ADAMTSL3: variants seen among roughly 807,000 people sequenced by gnomAD.
The protein encoded by ADAMTSL3 is ADAMTS like 3, also known as ADAMTS-like protein 3.
Under a neutral mutation model 201.7 loss-of-function variants are expected in ADAMTSL3, and 128 were observed. The ratio of observed to expected loss-of-function variants is 0.63; its 90% CI spans 0.55 to 0.73. The LOEUF (loss-of-function observed/expected upper bound fraction) is 0.73, where lower values mean the gene tolerates loss of function less well. Ranked by LOEUF, ADAMTSL3 falls within the 30% of genes least tolerant of loss-of-function variation. The pLI, the probability that ADAMTSL3 is intolerant of heterozygous loss-of-function variation, is 0.00. For synonymous variants in ADAMTSL3, 738 were observed against 748.4 expected (o/e 0.99, Z 0.23); for missense variants, 1,990 against 2,119.6 (o/e 0.94, Z 1.20).
chr15:83,745,261 A>G (rs1325118230), intron 3 of ADAMTSL3, among the ~76,000 whole-genome samples: 5 of 151,460 alleles, frequency 3.3e-5, no homozygotes, highest in East Asian at 1.9e-4. Context: ...AAAATCCTCC[A>G]CTCTTCAATT....
chr15:83,951,051 A>G (rs982633506), intron 19 of ADAMTSL3, among the ~76,000 whole-genome samples: 1 of 143,460 alleles, frequency 7.0e-6, no homozygotes, highest in Non-Finnish European at 1.5e-5. Context: ...TACTAGGACT[A>G]TGTTGAATAA....
intron 2 of ADAMTSL3, among the ~76,000 whole-genome samples, chr15:83,659,644 T>C (rs1204324252): frequency 6.6e-6 from 1 of 152,130 alleles, no homozygotes. Flanking sequence ...CATGTCCTAA[T>C]CCCTGGAACT....
chr15:83,899,548 C>T, intron 14 of ADAMTSL3, 99 bp from the exon 15 acceptor site: 1 of 1,193,392 alleles, frequency 8.4e-7, no homozygotes, highest in Non-Finnish European at 1.2e-6. Context: ...AAAAACATGA[C>T]CTCTTTATAA....
At chr15:83,960,216 C>T (rs1375505956) in intron 19 of ADAMTSL3, among the ~76,000 whole-genome samples, 1 of 152,030 alleles carries the variant, frequency 6.6e-6, no homozygotes, top group African/African-American at 2.4e-5. Flanking sequence ...TTAAAAATTC[C>T]ATTTTCCTCC....
chr15:83,773,758 T>C (rs1000974715), intron 4 of ADAMTSL3, 108 bp downstream of exon 4: 3 of 1,374,572 alleles, frequency 2.2e-6, no homozygotes, highest in Non-Finnish European at 2.9e-6. Flanking sequence ...GTGATGATGG[T>C]GTAACGTTTG....
chr15:83,961,286 T>C (rs771216862), intron 19 of ADAMTSL3, among the ~76,000 whole-genome samples: 1 of 151,984 alleles, frequency 6.6e-6, no homozygotes, highest in Non-Finnish European at 1.5e-5. Flanking sequence ...AGAACAAAGA[T>C]GTAAAATTGG....
chr15:83,962,313 AAT>A, intron 19 of ADAMTSL3: 2 of 152,306 alleles, frequency 1.3e-5, no homozygotes, highest in Middle Eastern at 6.8e-3. Flanking sequence ...AGATTGGACT[AAT>A]ACAGTAGAGG....
intron 19 of ADAMTSL3, among the ~76,000 whole-genome samples, chr15:83,945,249 T>A (rs879082267): frequency 6.6e-6 from 1 of 152,046 alleles, no homozygotes; most frequent in Admixed American, 6.5e-5. Flanking sequence ...CCCCGGAAAG[T>A]TGCCATACTA....
intron 15 of ADAMTSL3, among the ~76,000 whole-genome samples, chr15:83,907,578 A>G (rs1344567539): frequency 1.3e-5 from 2 of 151,872 alleles, no homozygotes; most frequent in Non-Finnish European, 2.9e-5. Context: ...TTTTTTTTGT[A>G]TTTTTAGTAG....
intron 21 of ADAMTSL3, among the ~76,000 whole-genome samples, chr15:83,986,400 C>T (rs1366099784): frequency 1.3e-5 from 2 of 152,066 alleles, no homozygotes; most frequent in African/African-American, 4.8e-5. Flanking sequence ...CAGGCTGAGA[C>T]CCCTGGAGCT....
chr15:83,903,730 C>T (rs917538113), intron 15 of ADAMTSL3, among the ~76,000 whole-genome samples: 3 of 151,418 alleles, frequency 2.0e-5, no homozygotes, highest in African/African-American at 7.3e-5. Flanking sequence ...CCAGGCTGGC[C>T]AACATGGTAA....
chr15:83,894,652 A>G (rs1173311225), intron 13 of ADAMTSL3, among the ~76,000 whole-genome samples: 3 of 152,142 alleles, frequency 2.0e-5, no homozygotes, highest in African/African-American at 4.8e-5. Context: ...AATATAATGT[A>G]TTTTTATGCT....
intron 6 of ADAMTSL3, among the ~76,000 whole-genome samples, chr15:83,822,487 C>T (rs1380245716): frequency 1.5e-5 from 2 of 136,486 alleles, no homozygotes; most frequent in East Asian, 2.2e-4. Context: ...ACGGGGCGGC[C>T]GGGCAGAGAC....
chr15:84,024,600 G>T (rs2141920107), intron 26 of ADAMTSL3, among the ~76,000 whole-genome samples: 1 of 152,324 alleles, frequency 6.6e-6, no homozygotes, highest in African/African-American at 2.4e-5. Flanking sequence ...CTGCTCTGCA[G>T]TCTCCCAACA....
intron 4 of ADAMTSL3, among the ~76,000 whole-genome samples, chr15:83,804,421 A>T (rs1176501088): frequency 1.3e-5 from 2 of 152,192 alleles, no homozygotes; most frequent in Non-Finnish European, 2.9e-5. Context: ...TACTACTATT[A>T]ACTAAAGAAT....
rs557744424 is a variant in ADAMTSL3 at position 83,891,348 on chromosome 15, A to G, written c.1231A>G (p.Met411Val). Residue 411 changes from methionine to valine, a missense_variant, in exon 12 of 30, where the codon ATG (methionine) becomes GTG (valine). Met to Val is a conservative substitution (Grantham distance 21). Transcript: ENST00000286744. ...TTGTAGTGATGGATTTAAAGAGATA[A>G]TGCCCTATGACCACTTCCAACCTCT... ...CPSSDGFKEI[M>V]PYDHFQPLPR... The G allele has an allele frequency of 3.1e-6, 5 of 1,612,580 alleles. No homozygotes were observed. In the East Asian group the frequency reaches 8.9e-5, roughly 29 times the overall value.
chr15:83,798,678 A>G (rs759215563), intron 4 of ADAMTSL3, among the ~76,000 whole-genome samples: 3 of 151,994 alleles, frequency 2.0e-5, no homozygotes, highest in African/African-American at 7.2e-5. Flanking sequence ...TGGTCAGTGC[A>G]TGCCTGTAAT....
intron 2 of ADAMTSL3, among the ~76,000 whole-genome samples, chr15:83,660,743 C>G (rs576788331): frequency 6.6e-6 from 1 of 152,318 alleles, no homozygotes; most frequent in Admixed American, 6.5e-5. Flanking sequence ...CCTGTTCCCT[C>G]TGATGGTAGT....
chr15:83,854,561 C>G (rs1308727745), intron 7 of ADAMTSL3, among the ~76,000 whole-genome samples: 1 of 152,178 alleles, frequency 6.6e-6, no homozygotes, highest in East Asian at 1.9e-4. Flanking sequence ...CCATGTTTCC[C>G]TGTAAGAAAT....
Sources: gnomAD v4.1 joint callset for allele counts (sites outside exome capture counted in the v4.1 genomes callset) on GRCh38, gnomAD v4.1.1 for gene constraint, MANE v1.5 for transcripts, NCBI Gene and HGNC (gene_info 2026-07-23, HGNC 2026-07-21) for gene names.